SEC14L5: variants seen among roughly 807,000 people sequenced by gnomAD.
The protein encoded by SEC14L5 is SEC14-like protein 5.
In SEC14L5, 96 loss-of-function variants were observed where a neutral mutation model predicts 84.6. The ratio of observed to expected loss-of-function variants is 1.13; its 90% CI spans 0.96 to 1.34. SEC14L5 has a LOEUF of 1.34. Among genes scored for constraint, SEC14L5 ranks in the 40% most tolerant of loss-of-function variants. The pLI, the probability that SEC14L5 is intolerant of heterozygous loss-of-function variation, is 0.00. For synonymous variants in SEC14L5, 546 were observed against 383.4 expected, an observed-to-expected ratio of 1.42 and a Z score of -4.95; for missense variants, 1,224 against 942.5, an observed-to-expected ratio of 1.30 and a Z score of -3.91.
chr16:4,982,076 C>T (rs944784149), intron 2 of SEC14L5, among the ~76,000 whole-genome samples: 2 of 152,148 alleles, frequency 1.3e-5, no homozygotes, highest in Admixed American at 6.5e-5. Context: ...ATGTGTTTGT[C>T]GCAGCAACTG....
intron 11 of SEC14L5, among the ~76,000 whole-genome samples, chr16:5,003,821 C>A (rs1214737288): frequency 1.3e-5 from 2 of 152,230 alleles, no homozygotes; most frequent in Admixed American, 1.3e-4. Context: ...CAAAAAGAAC[C>A]CCCATGCCCA....
At chr16:5,014,683 AGT>A (rs1955850545) in intron 15 of SEC14L5, among the ~76,000 whole-genome samples, 174 bp from the exon 16 acceptor site, 1 of 152,090 alleles carries the variant, frequency 6.6e-6, no homozygotes, top group African/African-American at 2.4e-5. Flanking sequence ...GGGAGATGGG[AGT>A]GTGGGGAATT....
Position 4,984,371 on chromosome 16 carries a change from G to T in SEC14L5, c.64-3186G>T, listed in dbSNP as rs77054855. Among the ~76,000 whole-genome samples the T allele has an allele frequency of 2.9e-3, 440 of 152,298 alleles. 3 individuals are homozygous for T. The highest frequency in any genetic ancestry group is 0.01 in the African/African-American group (419 of 41,566). On this transcript the variant is annotated intron_variant, in intron 2 of 15. Coordinates refer to ENST00000251170, the MANE Select transcript of SEC14L5 (RefSeq NM_014692.2). ...ATGTTGTAGCATGAATCAGTACCTT[G>T]TTCCTTTTTAAGGCTGTATAATATT...
intron 2 of SEC14L5, among the ~76,000 whole-genome samples, chr16:4,970,332 T>C (rs1955259759): frequency 6.6e-6 from 1 of 151,994 alleles, no homozygotes; most frequent in Non-Finnish European, 1.5e-5. Context: ...GTGGGGGATG[T>C]TAAGCAGGGT....
At chr16:4,992,411 C>T (rs1172215229) in intron 6 of SEC14L5, among the ~76,000 whole-genome samples, 3 of 152,236 alleles carry the variant, frequency 2.0e-5, no homozygotes, top group East Asian at 1.9e-4. Context: ...CCACCACACC[C>T]GGCCAATTTT....
At chr16:4,978,962 C>T (rs1477838626) in intron 2 of SEC14L5, among the ~76,000 whole-genome samples, 1 of 152,144 alleles carries the variant, frequency 6.6e-6, no homozygotes, top group Non-Finnish European at 1.5e-5. Flanking sequence ...TCTCGAAGTC[C>T]TGGGCTCAAA....
chr16:4,988,356 T>G, intron 4 of SEC14L5, 76 bp downstream of exon 4: 1 of 1,538,916 alleles, frequency 6.5e-7, no homozygotes, highest in African/African-American at 1.4e-5. Context: ...CAGAGCTGTG[T>G]CCCCACATTC....
chr16:4,970,696 C>T (rs8056119), intron 2 of SEC14L5, among the ~76,000 whole-genome samples: 1,584 of 152,226 alleles, frequency 0.01, 30 homozygotes, highest in African/African-American at 0.033. Context: ...ATGGGTGGCA[C>T]GGGCTGTCGT....
intron 15 of SEC14L5, among the ~76,000 whole-genome samples, chr16:5,013,924 C>G (rs922907622): frequency 6.6e-6 from 1 of 152,100 alleles, no homozygotes; most frequent in African/African-American, 2.4e-5. Context: ...AACTCCTGGC[C>G]TCAAGCGATC....
intron 2 of SEC14L5, among the ~76,000 whole-genome samples, chr16:4,971,510 C>G (rs987898405): frequency 6.6e-6 from 1 of 152,176 alleles, no homozygotes; most frequent in Admixed American, 6.5e-5. Flanking sequence ...AAAACTCTCC[C>G]TCTCCAGCTT....
chr16:4,969,836 T>G (rs1470193068), intron 2 of SEC14L5, among the ~76,000 whole-genome samples: 1 of 137,896 alleles, frequency 7.3e-6, no homozygotes, highest in African/African-American at 2.6e-5. Flanking sequence ...TTTTTTTTTT[T>G]GAGACTGGTC....
rs940130075 is a variant in SEC14L5, at chr16:5,017,488, T to G, written c.*2518T>G. ...TCTTCCACCTGGCGGGAAAGATGGC[T>G]GCCAGCAGCCCCAAGCCTATAATTT... On this transcript the variant is annotated 3_prime_UTR_variant, in exon 16 of 16. Transcript: ENST00000251170. 1 of 152,292 alleles carries G rather than the reference T, an allele frequency of 6.6e-6. No individual in the cohort carries two copies. The highest frequency in any genetic ancestry group is 1.5e-5 in the Non-Finnish European group (1 of 68,096). The allele number at this position is 152,292 out of a possible 1,614,324, so 9.4% of individuals were successfully genotyped here.
intron 2 of SEC14L5, among the ~76,000 whole-genome samples, chr16:4,966,075 T>G (rs1568102674): frequency 6.6e-6 from 1 of 152,076 alleles, no homozygotes; most frequent in South Asian, 2.1e-4. Flanking sequence ...TTAAAAATGT[T>G]AAAAATATTT....
intron 2 of SEC14L5, among the ~76,000 whole-genome samples, chr16:4,971,744 C>T (rs887121424): frequency 2.6e-5 from 4 of 152,162 alleles, no homozygotes; most frequent in African/African-American, 9.7e-5. Context: ...GACTTAATCT[C>T]CCAGGGATAT....
chr16:4,983,799 C>T (rs1321789948), intron 2 of SEC14L5, among the ~76,000 whole-genome samples: 1 of 151,688 alleles, frequency 6.6e-6, no homozygotes, highest in Non-Finnish European at 1.5e-5. Context: ...ATCGCTTGAA[C>T]CTGGGAGGTG....
chr16:4,994,792 C>T (rs1955591816), intron 6 of SEC14L5, among the ~76,000 whole-genome samples: 2 of 152,068 alleles, frequency 1.3e-5, no homozygotes, highest in African/African-American at 4.8e-5. Flanking sequence ...CTTCCTTCTC[C>T]ATCTGTGCTG....
chr16:4,990,971 G>C (rs947992874), intron 5 of SEC14L5, 76 bp downstream of exon 5: 11 of 1,227,184 alleles, frequency 9.0e-6, no homozygotes, highest in Non-Finnish European at 1.2e-5. Context: ...CATGACCCCT[G>C]GCAAGACCCT....
Position 4,996,842 on chromosome 16 carries a change from C to T in SEC14L5, c.781-13C>T, listed in dbSNP as rs549697813. On this transcript the variant is annotated splice_polypyrimidine_tract_variant and intron_variant, in intron 7 of 15. Coordinates refer to ENST00000251170, the MANE Select transcript of SEC14L5 (RefSeq NM_014692.2). The stretch of plus-strand genomic sequence containing the variant: ...ATACCGTTCTGTGGGCTTTTTACTT[C>T]TTTGTCTCTCAGATTCCCAAAGATG... The T allele has an allele frequency of 6.2e-7, 1 of 1,602,412 alleles. No homozygotes were observed. The highest frequency in any genetic ancestry group is 2.2e-5 in the East Asian group (1 of 44,676).
intron 11 of SEC14L5, among the ~76,000 whole-genome samples, chr16:5,005,625 G>C (rs925597483): frequency 2.6e-5 from 4 of 152,002 alleles, no homozygotes; most frequent in Non-Finnish European, 5.9e-5. Flanking sequence ...ACTTTGGGAG[G>C]CCGAGGCAGG....
Sources: gnomAD v4.1 joint callset for allele counts (sites outside exome capture counted in the v4.1 genomes callset) on GRCh38, gnomAD v4.1.1 for gene constraint, MANE v1.5 for transcripts, NCBI Gene and HGNC (gene_info 2026-07-23, HGNC 2026-07-21) for gene names.